Variants in DCC observed in about 807,000 individuals in gnomAD.
The protein encoded by DCC is netrin receptor DCC.
In DCC, 58 loss-of-function variants were observed where a neutral mutation model predicts 172.5. That is an observed-to-expected ratio of 0.34 (90% CI 0.27 to 0.42). The LOEUF is 0.42. DCC is among the 10% of genes least tolerant of loss of function. The probability of loss-of-function intolerance (pLI) is 1.00; values close to 1 mark genes in which losing one functional copy is unlikely to be tolerated. For missense variants in DCC, 1,740 were observed against 1,791.0 expected (o/e 0.97, Z 0.51); for synonymous variants, 709 against 644.5 (o/e 1.10, Z -1.52).
intron 7 of DCC, among the ~76,000 whole-genome samples, chr18:53,095,879 A>G (rs2043080085): frequency 6.7e-6 from 1 of 149,024 alleles, no homozygotes; most frequent in Non-Finnish European, 1.5e-5. Flanking sequence ...CATACAGAGT[A>G]GGCAGTCGGT....
intron 11 of DCC, among the ~76,000 whole-genome samples, chr18:53,209,989 C>T (rs970558400): frequency 1.3e-5 from 2 of 152,184 alleles, no homozygotes; most frequent in South Asian, 4.1e-4. Flanking sequence ...GACCCTAACC[C>T]CAATAAACAT....
intron 5 of DCC, among the ~76,000 whole-genome samples, chr18:53,006,476 C>T (rs2041647878): frequency 6.6e-6 from 1 of 152,092 alleles, no homozygotes; most frequent in Non-Finnish European, 1.5e-5. Flanking sequence ...AAAAGAGAAA[C>T]TAGAGATGTA....
intron 1 of DCC, among the ~76,000 whole-genome samples, chr18:52,523,464 G>A (rs2031884895): frequency 6.6e-6 from 1 of 152,052 alleles, no homozygotes; most frequent in African/African-American, 2.4e-5. Context: ...GTAGAAGTGT[G>A]TTTTCACTTT....
chr18:53,300,346 T>C (rs2057117707), intron 12 of DCC, among the ~76,000 whole-genome samples: 1 of 152,176 alleles, frequency 6.6e-6, no homozygotes, highest in African/African-American at 2.4e-5. Context: ...CTCTGTCTTC[T>C]TGTTTTAGCC....
intron 5 of DCC, among the ~76,000 whole-genome samples, chr18:53,014,407 T>C (rs1388275952): frequency 6.7e-6 from 1 of 148,528 alleles, no homozygotes; most frequent in East Asian, 2.1e-4. Flanking sequence ...ACATTAGGTA[T>C]ATCTCCTAAT....
intron 24 of DCC, among the ~76,000 whole-genome samples, chr18:53,461,074 G>T (rs1365705742): frequency 6.6e-6 from 1 of 152,178 alleles, no homozygotes; most frequent in East Asian, 1.9e-4. Context: ...CTGCATAAAT[G>T]TCTTCTTTTG....
At position 52,593,375 on chromosome 18, in the gene DCC, A is replaced by G. The variant is rs368014878; in HGVS notation, c.92-158679A>G. Among the ~76,000 whole-genome samples the G allele has an allele frequency of 1.9e-3, 286 of 152,350 alleles. 1 individual carries two copies. The highest frequency in any genetic ancestry group is 6.7e-3 in the African/African-American group (278 of 41,580). On this transcript the variant is annotated intron_variant, in intron 1 of 28. Transcript: ENST00000442544. ...CAGCAGCAGGATCCCACTAGTATCC[A>G]AAATACATATCATTCATGTCAAGAC...
At chr18:53,187,893 A>G (rs1435454719) in intron 9 of DCC, among the ~76,000 whole-genome samples, 1 of 152,180 alleles carries the variant, frequency 6.6e-6, no homozygotes, top group African/African-American at 2.4e-5. Flanking sequence ...TAAGCCTATG[A>G]CAAGCAATTA....
chr18:53,077,670 A>C (rs2042742014), intron 7 of DCC, among the ~76,000 whole-genome samples: 1 of 152,076 alleles, frequency 6.6e-6, no homozygotes, highest in Non-Finnish European at 1.5e-5. Flanking sequence ...CAGAAAAGTT[A>C]ACTAACTTGT....
At chr18:53,460,456 A>G (rs2045543989) in intron 24 of DCC, among the ~76,000 whole-genome samples, 1 of 90,938 alleles carries the variant, frequency 1.1e-5, no homozygotes, top group Non-Finnish European at 2.0e-5. Flanking sequence ...AACAGTCCCC[A>G]GAGTGTGATG....
intron 12 of DCC, among the ~76,000 whole-genome samples, chr18:53,281,487 G>A (rs146934991): frequency 1.8e-4 from 27 of 152,202 alleles, no homozygotes; most frequent in African/African-American, 5.3e-4. Flanking sequence ...TGAATCAGAC[G>A]TAGGCCTTGT....
chr18:53,207,115 C>G (rs2055664503), intron 10 of DCC, among the ~76,000 whole-genome samples: 1 of 152,070 alleles, frequency 6.6e-6, no homozygotes, highest in Non-Finnish European at 1.5e-5. Context: ...CATCATCATC[C>G]AAGATAGATG....
intron 8 of DCC, among the ~76,000 whole-genome samples, chr18:53,172,632 G>A (rs1446999273): frequency 6.7e-6 from 1 of 149,042 alleles, no homozygotes; most frequent in Non-Finnish European, 1.5e-5. Flanking sequence ...TGTTTGATAG[G>A]CAAATATGGC....
At chr18:52,864,418 C>A (rs2039188840) in intron 2 of DCC, among the ~76,000 whole-genome samples, 2 of 152,160 alleles carry the variant, frequency 1.3e-5, no homozygotes, top group Admixed American at 6.5e-5. Context: ...GTTCAGAAAC[C>A]TTCACAAAAT....
At position 52,404,642 on chromosome 18, in the gene DCC, A is replaced by AGTTTTCTTTTTT. The variant is rs36206430; in HGVS notation, c.91+63777_91+63788dup. ...CTTTGCAGCCCGAAGTTAAGAATGG[A>AGTTTTCTTTTTT]GTTTTCTTTTTTGTTTTCTTTTTTT... On this transcript the variant is annotated intron_variant, in intron 1 of 28. Transcript: ENST00000442544. Among the ~76,000 whole-genome samples the AGTTTTCTTTTTT allele has an allele frequency of 1.1e-3, 163 of 151,482 alleles. 4 individuals are homozygous for AGTTTTCTTTTTT. The East Asian group carries it at 0.029, about 27-fold the overall frequency.
At chr18:52,572,161 G>A (rs1344137508) in intron 1 of DCC, among the ~76,000 whole-genome samples, 1 of 152,086 alleles carries the variant, frequency 6.6e-6, no homozygotes, top group Non-Finnish European at 1.5e-5. Context: ...AATAATTCGG[G>A]CTTTCTAGGC....
chr18:52,434,332 A>G (rs1020154744), intron 1 of DCC, among the ~76,000 whole-genome samples: 3 of 152,198 alleles, frequency 2.0e-5, no homozygotes, highest in Non-Finnish European at 4.4e-5. Context: ...GAGACCAAAC[A>G]TGCTACTAAA....
At chr18:53,279,466 G>A (rs1440199711) in intron 12 of DCC, among the ~76,000 whole-genome samples, 1 of 142,290 alleles carries the variant, frequency 7.0e-6, no homozygotes, top group Non-Finnish European at 1.5e-5. Context: ...ATGGACACAG[G>A]AAGGGGAACA....
chr18:53,194,765 C>T (rs951635707), intron 9 of DCC, among the ~76,000 whole-genome samples: 11 of 152,180 alleles, frequency 7.2e-5, no homozygotes, highest in South Asian at 2.1e-4. Flanking sequence ...CCACCACGCC[C>T]GGCCCAGGTT....
Sources: allele counts gnomAD v4.1 joint callset (sites outside exome capture counted in the v4.1 genomes callset), GRCh38; gene constraint gnomAD v4.1.1; transcripts MANE v1.5; gene names NCBI Gene and HGNC (gene_info 2026-07-23, HGNC 2026-07-21).